The following TET2 variants were observed in gnomAD, a reference collection of about 807,000 sequenced individuals.
The protein encoded by TET2 is tet methylcytosine dioxygenase 2.
In TET2, 299 loss-of-function variants were observed where a neutral mutation model predicts 142.9. The observed-to-expected ratio is 2.09, with a 90% CI of 1.90 to 2.30. The LOEUF is 2.30. TET2 is among the 30% of genes most tolerant of loss of function. TET2 has a pLI of 0.00. For synonymous variants in TET2, 819 were observed against 849.0 expected (o/e 0.96, Z 0.61); for missense variants, 2,418 against 2,378.0 (o/e 1.02, Z -0.35).
intron 2 of TET2, 68 bp downstream of exon 2, chr4:105,190,573 T>C: frequency 2.9e-6 from 2 of 679,072 alleles, no homozygotes; most frequent in Admixed American, 4.3e-5. Flanking sequence ...AATGGTAATC[T>C]CTCTCCCAAA....
At chr4:105,237,888 C>A in intron 3 of TET2, 2 of 1,046,194 alleles carry the variant, frequency 1.9e-6, no homozygotes, top group Non-Finnish European at 2.3e-6. Context: ...GTTTCCTTTT[C>A]TCCATTTATA....
In TET2 at chr4:105,226,911, A is replaced by T. The variant is rs574784689; in HGVS notation, c.-46-6986A>T. Among the ~76,000 whole-genome samples, 6 of 152,328 alleles carry T rather than the reference A, an allele frequency of 3.9e-5. No individual in the cohort carries two copies. In the South Asian group the frequency reaches 6.2e-4, roughly 16 times the overall value. ...GCTATTTAGTCATTCCAGAAGCAAG[A>T]TCTCTTTGTCCAGAATTCTGGAAAT... On this transcript the variant is annotated intron_variant, in intron 2 of 10. Transcript: ENST00000380013.
chr4:105,222,828 C>T (rs918296252), intron 2 of TET2, among the ~76,000 whole-genome samples: 10 of 151,906 alleles, frequency 6.6e-5, no homozygotes, highest in African/African-American at 2.4e-4. Flanking sequence ...AGGTTTTCTT[C>T]TAGGGTTTTT....
intron 1 of TET2, among the ~76,000 whole-genome samples, chr4:105,163,854 A>AGAGAGAGAGAGAGAGAGAGAGTGT (rs1553942671): frequency 1.2e-5 from 1 of 85,168 alleles, no homozygotes; most frequent in Non-Finnish European, 2.4e-5. Context: ...AGAGAGAGAG[A>AGAGAGAGAGAGAGAGAGAGAGTGT]GTGTGTGTGT....
intron 6 of TET2, among the ~76,000 whole-genome samples, chr4:105,252,873 T>C (rs1729940493): frequency 6.6e-6 from 1 of 152,186 alleles, no homozygotes; most frequent in Admixed American, 6.5e-5. Flanking sequence ...GTTGTTCCCG[T>C]ACCATTTCTT....
chr4:105,160,626 A>C (rs1481624847), intron 1 of TET2, among the ~76,000 whole-genome samples: 2 of 152,244 alleles, frequency 1.3e-5, no homozygotes, highest in Admixed American at 1.3e-4. Context: ...GTGTTTTTGT[A>C]ATTACACTAC....
At chr4:105,260,765 G>A (rs1269312288) in intron 7 of TET2, among the ~76,000 whole-genome samples, 2 of 152,070 alleles carry the variant, frequency 1.3e-5, no homozygotes, top group African/African-American at 4.8e-5. Context: ...TTTAAAGGAT[G>A]TTTTCAATAA....
At chr4:105,237,768 A>T in intron 3 of TET2, 2 of 1,154,908 alleles carry the variant, frequency 1.7e-6, no homozygotes, top group Non-Finnish European at 2.2e-6. Flanking sequence ...TTTTTAATTC[A>T]AGGTAAAATA....
chr4:105,269,772 G>C (rs2110301285), intron 9 of TET2, 25 bp downstream of exon 9: 1 of 1,550,716 alleles, frequency 6.4e-7, no homozygotes, highest in Non-Finnish European at 8.7e-7. Flanking sequence ...GGACAGCTTA[G>C]CAGCTGTTGA....
intron 1 of TET2, among the ~76,000 whole-genome samples, chr4:105,182,648 G>T (rs1725189070): frequency 6.6e-6 from 1 of 152,024 alleles, no homozygotes; most frequent in Non-Finnish European, 1.5e-5. Flanking sequence ...CTTTCTATTA[G>T]AAATAGATTA....
intron 2 of TET2, among the ~76,000 whole-genome samples, chr4:105,228,679 T>C (rs534011269): frequency 1.3e-5 from 2 of 152,286 alleles, no homozygotes; most frequent in East Asian, 3.9e-4. Flanking sequence ...TTGATTGCTC[T>C]GTATATGAAT....
At chr4:105,268,904 C>T (rs781534366) in intron 8 of TET2, among the ~76,000 whole-genome samples, 4 of 152,138 alleles carry the variant, frequency 2.6e-5, no homozygotes, top group Non-Finnish European at 5.9e-5. Context: ...ATCCAGGAGG[C>T]AGAGGTTGCA....
chr4:105,268,823 A>C (rs1304746394), intron 8 of TET2, among the ~76,000 whole-genome samples: 2 of 152,032 alleles, frequency 1.3e-5, no homozygotes, highest in African/African-American at 4.8e-5. Flanking sequence ...AATACAAAAA[A>C]TTACTGGGGC....
chr4:105,272,840 A>T lies in TET2; in HGVS notation c.4459A>T (p.Asn1487Tyr). The change falls in exon 10 of 11, where the codon AAT (asparagine) becomes TAT (tyrosine). Residue 1487 changes from asparagine (N) to tyrosine (Y), a missense_variant. By Grantham distance (143) the Asn-to-Tyr change is moderately radical (BLOSUM62 -2). Coordinates refer to ENST00000380013, the MANE Select transcript of TET2 (RefSeq NM_001127208.3). ...GCTTTCCTCCCTGGAGAACAGCTCA[A>T]ATAAAAATGAAAAGGAAAAGTCAGC... ...EKLSSLENSS[N>Y]KNEKEKSAPS... is the part of the protein sequence containing the mutation. 1.3e-6 allele frequency: 2 copies of T among 1,551,368 alleles called. No individual in the cohort carries two copies. Among genetic ancestry groups the T allele is most frequent in the South Asian group, 1.2e-5 (1 of 84,040 alleles).
intron 1 of TET2, among the ~76,000 whole-genome samples, chr4:105,158,878 TG>T (rs1411454676): frequency 6.6e-6 from 1 of 152,128 alleles, no homozygotes; most frequent in Admixed American, 6.5e-5. Flanking sequence ...GACATCTGTA[TG>T]CTCATTTTTA....
intron 6 of TET2, among the ~76,000 whole-genome samples, chr4:105,249,114 G>T (rs1560557112): frequency 1.3e-5 from 2 of 149,108 alleles, no homozygotes; most frequent in East Asian, 2.0e-4. Flanking sequence ...TGCAACCTCT[G>T]TCTCCCGGGT....
At chr4:105,251,248 C>T (rs974944798) in intron 6 of TET2, among the ~76,000 whole-genome samples, 9 of 151,852 alleles carry the variant, frequency 5.9e-5, no homozygotes, top group African/African-American at 9.7e-5. Context: ...TGCCTGATTA[C>T]CCAGTTAGAA....
intron 1 of TET2, among the ~76,000 whole-genome samples, chr4:105,188,794 A>C (rs1042543860): frequency 6.6e-5 from 10 of 152,170 alleles, no homozygotes; most frequent in Admixed American, 2.6e-4. Context: ...AAAGTCGTTC[A>C]AAATAGGAAA....
chr4:105,184,733 G>T (rs1329757749), intron 1 of TET2, among the ~76,000 whole-genome samples: 4 of 152,120 alleles, frequency 2.6e-5, no homozygotes, highest in African/African-American at 9.7e-5. Context: ...GTGTGTGTGT[G>T]TGTGTGTATT....
Sources: allele counts gnomAD v4.1 joint callset (sites outside exome capture counted in the v4.1 genomes callset), GRCh38; gene constraint gnomAD v4.1.1; transcripts MANE v1.5; gene names NCBI Gene and HGNC (gene_info 2026-07-23, HGNC 2026-07-21).